The following GIN1 variants were observed in gnomAD, a reference collection of about 807,000 sequenced individuals.
GIN1 encodes the protein gypsy retrotransposon integrase-like protein 1.
In GIN1, 41 loss-of-function variants were observed where a neutral mutation model predicts 51.4. The observed-to-expected ratio is 0.80, with a 90% confidence interval of 0.62 to 1.04. GIN1 has a LOEUF of 1.04. Ranked by LOEUF, GIN1 falls within the 50% of genes least tolerant of loss-of-function variation. The pLI is 0.00. For synonymous variants in GIN1, 222 were observed against 206.5 expected, an observed-to-expected ratio of 1.07 and a Z score of -0.64; for missense variants, 610 against 612.4, an observed-to-expected ratio of 1.00 and a Z score of 0.04.
At chr5:103,091,711 T>C (rs1484710167) in intron 7 of GIN1, among the ~76,000 whole-genome samples, 1 of 151,712 alleles carries the variant, frequency 6.6e-6, no homozygotes, top group African/African-American at 2.4e-5. Flanking sequence ...CAGCCAGGCA[T>C]GGTGGCTCAC....
Position 103,097,414 on chromosome 5 carries a change from T to C in GIN1, c.908A>G (p.His303Arg). 2.6e-6 allele frequency: 4 copies of C among 1,565,732 alleles called. No individual in the cohort carries two copies. The highest frequency in any genetic ancestry group is 3.5e-6 in the Non-Finnish European group (4 of 1,136,234). The change falls in exon 6 of 8, where the codon CAT (histidine) becomes CGT (arginine). Residue 303 changes from histidine to arginine, a missense_variant. Physicochemically the swap from His to Arg is conservative, Grantham distance 29. Coordinates refer to ENST00000399004, the MANE Select transcript of GIN1 (RefSeq NM_017676.2). ...PYMPETSDSL[H>R]EVDGDNTSMF... ...ACTTGTATTATCACCATCCACTTCA[T>C]GAAGACTATCTGAAGTCTCAGGCAT...
chr5:103,106,713 TACCC>T lies in GIN1; in HGVS notation c.332_333+2del, dbSNP rs1554196296. 1 of 1,528,104 alleles carries T rather than the reference TACCC, an allele frequency of 6.5e-7. No homozygotes were observed. Among genetic ancestry groups the T allele is most frequent in the South Asian group, 1.2e-5 (1 of 84,778 alleles). The allele number at this position is 1,528,104 out of a possible 1,614,324, so 94.7% of individuals were successfully genotyped here. A position where few individuals can be genotyped will look rare whatever the true frequency, so the allele number is the denominator to read the frequency against. ...CATAATACTCTAAATACATAAGCCA[TACCC>T]ACTGTTTGACATCATTGGTCACAGA... is the stretch of plus-strand genomic sequence containing the variant. On this transcript the variant is annotated splice_donor_variant and coding_sequence_variant, in exon 3 of 8. Transcript: ENST00000399004. LOFTEE classifies it high-confidence loss of function.
chr5:103,114,808 C>T (rs34772), intron 1 of GIN1, among the ~76,000 whole-genome samples: 1 of 151,926 alleles, frequency 6.6e-6, no homozygotes, highest in East Asian at 1.9e-4. Context: ...GGACATGAGA[C>T]TAGCCAGAGA....
At position 103,112,166 on chromosome 5, in the gene GIN1, G is replaced by A. The variant is rs191553276; in HGVS notation, c.-7-3452C>T. On this transcript the variant is annotated intron_variant, in intron 1 of 7. Transcript: ENST00000399004. ...TTTTCTCATCAAAGTAGTGGGAGAA[G>A]ACTAACATATATCTATGTTAGGGAG... 3.0e-3 allele frequency among the ~76,000 whole-genome samples: 463 copies of A among 152,252 alleles called. 2 individuals are homozygous for A. Among genetic ancestry groups the A allele is most frequent in the Non-Finnish European group, 5.1e-3 (344 of 68,010 alleles).
Position 103,096,819 on chromosome 5 carries a change from T to C in GIN1, c.1016A>G (p.Asn339Ser), listed in dbSNP as rs782225594. 2.5e-6 allele frequency: 4 copies of C among 1,582,902 alleles called. No individual in the cohort carries two copies. The highest frequency in any genetic ancestry group is 4.5e-5 in the East Asian group (2 of 44,696). The change falls in exon 7 of 8, where the codon AAC becomes AGC. Residue 339 changes from asparagine to serine, a missense_variant. Physicochemically the swap from Asn to Ser is conservative, Grantham distance 46 (BLOSUM62 1). Transcript: ENST00000399004. ...TTTATTTAGTTCATCCAAATTGTTGTTCTCCATCTACAAGTGTAAAAAGAA... is the reference window on the plus strand; with the variant it reads ...TTTATTTAGTTCATCCAAATTGTTGCTCTCCATCTACAAGTGTAAAAAGAA... ...NKTTSLGQMENNNLDELNKSK... is the reference protein window; with the variant it reads ...NKTTSLGQMESNNLDELNKSK...
At position 103,115,276 on chromosome 5, in the gene GIN1, A is replaced by G. The variant is rs76900635; in HGVS notation, c.-8+4788T>C. ...CCCACAACAGCCAAATGATGGAAGC[A>G]ACTCAAGTGTCCATCAATGGCTGAA... On this transcript the variant is annotated intron_variant, in intron 1 of 7. Coordinates refer to ENST00000399004, the MANE Select transcript of GIN1 (RefSeq NM_017676.2). Among the ~76,000 whole-genome samples, 356 of 152,292 alleles carry G rather than the reference A, an allele frequency of 2.3e-3. 2 individuals carry two copies. The highest frequency in any genetic ancestry group is 8.4e-3 in the African/African-American group (349 of 41,570).
chr5:103,089,768 A>G (rs1787184812), intron 7 of GIN1, among the ~76,000 whole-genome samples: 1 of 152,200 alleles, frequency 6.6e-6, no homozygotes, highest in African/African-American at 2.4e-5. Flanking sequence ...ATTTGGTAGT[A>G]TATTTTGAAA....
intron 1 of GIN1, among the ~76,000 whole-genome samples, chr5:103,113,521 CTTT>C (rs368036001): frequency 2.3e-5 from 3 of 132,500 alleles, no homozygotes; most frequent in African/African-American, 2.8e-5. Flanking sequence ...AGTTCCACCT[CTTT>C]TTTTTTTTTT....
At chr5:103,101,901 G>A (rs538661066) in intron 4 of GIN1, among the ~76,000 whole-genome samples, 2 of 152,194 alleles carry the variant, frequency 1.3e-5, no homozygotes, top group South Asian at 2.1e-4. Context: ...TGGCCTTTAC[G>A]TACTCCATTG....
At chr5:103,095,834 G>T (rs1163922708) in intron 7 of GIN1, among the ~76,000 whole-genome samples, 1 of 151,890 alleles carries the variant, frequency 6.6e-6, no homozygotes, top group Non-Finnish European at 1.5e-5. Context: ...TGAGGCACAA[G>T]AATTGCTTGA....
chr5:103,096,507 G>C, intron 7 of GIN1, 34 bp downstream of exon 7: 1 of 1,457,244 alleles, frequency 6.9e-7, no homozygotes, highest in Non-Finnish European at 9.5e-7. Flanking sequence ...CTTACCTAAA[G>C]CAATAAAAAT....
At position 103,086,455 on chromosome 5, in the gene GIN1, A is replaced by G. The variant is rs1382114560; in HGVS notation, c.*1443T>C. On this transcript the variant is annotated 3_prime_UTR_variant, in exon 8 of 8. Transcript: ENST00000399004. ...ACTTACCTTTTCAGCTTTATCCCTC[A>G]TTATCTTGCTTCTTCACTTTATACC... 1 of 152,194 alleles carries G rather than the reference A, an allele frequency of 6.6e-6. No individual in the cohort carries two copies. Among genetic ancestry groups the G allele is most frequent in the African/African-American group, 2.4e-5 (1 of 41,430 alleles). The allele number at this position is 152,194 out of a possible 1,614,324, so 9.4% of individuals were successfully genotyped here.
intron 4 of GIN1, among the ~76,000 whole-genome samples, chr5:103,101,397 T>G (rs576748160): frequency 6.6e-6 from 1 of 152,362 alleles, no homozygotes; most frequent in African/African-American, 2.4e-5. Flanking sequence ...TCTGAAATTT[T>G]GTATTTAATA....
At chr5:103,118,289 A>G (rs1554197626) in intron 1 of GIN1, among the ~76,000 whole-genome samples, 1 of 152,184 alleles carries the variant, frequency 6.6e-6, no homozygotes. Context: ...AAAAGGACAT[A>G]ATATCTATCC....
chr5:103,117,447 C>T (rs782186692), intron 1 of GIN1, among the ~76,000 whole-genome samples: 1 of 151,930 alleles, frequency 6.6e-6, no homozygotes, highest in African/African-American at 2.4e-5. Context: ...CTATTGGTCC[C>T]GTAAGATGAT....
At chr5:103,099,776 G>C (rs955098704) in intron 4 of GIN1, among the ~76,000 whole-genome samples, 1 of 152,110 alleles carries the variant, frequency 6.6e-6, no homozygotes, top group Admixed American at 6.5e-5. Context: ...TTCCTTCAGA[G>C]GTTTACAAAA....
chr5:103,091,997 C>G (rs997639635), intron 7 of GIN1, among the ~76,000 whole-genome samples: 1 of 151,558 alleles, frequency 6.6e-6, no homozygotes, highest in South Asian at 2.1e-4. Flanking sequence ...TGCACTCCAG[C>G]CTGTGTGATA....
chr5:103,097,848 A>C (rs1463124554), intron 4 of GIN1, 67 bp from the exon 5 acceptor site: 61 of 669,762 alleles, frequency 9.1e-5, no homozygotes, highest in Non-Finnish European at 1.0e-5. Context: ...TGACTTAAAA[A>C]AAAGCTTCAA....
In GIN1 at chr5:103,086,099, T is replaced by C. The variant is rs371964236; in HGVS notation, c.*1799A>G. 20 of 152,310 alleles carry C rather than the reference T, an allele frequency of 1.3e-4. No individual in the cohort carries two copies. The highest frequency in any genetic ancestry group is 1.2e-3 in the East Asian group (6 of 5,190). 9.4% of individuals were successfully genotyped at this position (152,310 alleles called of 1,614,324 possible). On this transcript the variant is annotated 3_prime_UTR_variant, in exon 8 of 8. Transcript: ENST00000399004. ...GTCTTCTGAGGAATGAGGAAAAATG[T>C]ATTCAATGCCTCTCCCCTAACTTCT...
Sources: allele counts gnomAD v4.1 joint callset (sites outside exome capture counted in the v4.1 genomes callset), GRCh38; gene constraint gnomAD v4.1.1; transcripts MANE v1.5; gene names NCBI Gene and HGNC (gene_info 2026-07-23, HGNC 2026-07-21).